Variants in TMEM272 observed in about 807,000 individuals in gnomAD.
The protein encoded by TMEM272 is long intergenic non-protein coding RNA 282.
A neutral mutation model predicts 3.7 loss-of-function variants in TMEM272; 8 were observed. That is an observed-to-expected ratio of 2.17 (90% CI 1.27 to 3.91). The LOEUF (loss-of-function observed/expected upper bound fraction) is 3.91, where lower values mean the gene tolerates loss of function less well. Ranked by LOEUF, TMEM272 falls within the 30% of genes most tolerant of loss-of-function variation. The pLI, the probability that TMEM272 is intolerant of heterozygous loss-of-function variation, is 0.00. For missense variants in TMEM272, 166 were observed against 91.5 expected, an observed-to-expected ratio of 1.81 and a Z score of -3.32; for synonymous variants, 63 against 39.8, an observed-to-expected ratio of 1.58 and a Z score of -2.20.
At chr13:51,892,480 G>A in the TMEM272 span, among the ~76,000 whole-genome samples, 1 of 152,086 alleles carries the variant, frequency 6.6e-6, no homozygotes, top group Non-Finnish European at 1.5e-5. Flanking sequence ...GGTATTGTTG[G>A]GGGATGGCTT....
At chr13:51,893,860 G>A in the TMEM272 span, among the ~76,000 whole-genome samples, 1 of 152,110 alleles carries the variant, frequency 6.6e-6, no homozygotes, top group Non-Finnish European at 1.5e-5. Flanking sequence ...TTGTTGTGGA[G>A]AAAACAAATA....
At chr13:51,879,183 A>G in the TMEM272 span, among the ~76,000 whole-genome samples, 33 of 152,292 alleles carry the variant, frequency 2.2e-4, no homozygotes, top group Non-Finnish European at 4.0e-4. Context: ...TGCAGGAGGA[A>G]AAAAAGAACA....
At chr13:51,933,614 T>A in the TMEM272 span, 1 of 152,314 alleles carries the variant, frequency 6.6e-6, no homozygotes, top group South Asian at 2.1e-4. Context: ...CTGTGGCCAC[T>A]CCTTTTCTGA....
chr13:51,830,469 T>C (rs560935102), intron 2 of TMEM272, among the ~76,000 whole-genome samples: 1 of 152,352 alleles, frequency 6.6e-6, no homozygotes, highest in Middle Eastern at 3.4e-3. Flanking sequence ...GAGGTTTCAA[T>C]GTCCTCATTG....
chr13:51,826,539 C>T (rs1362423633), intron 3 of TMEM272, 27 bp downstream of exon 3: 6 of 702,384 alleles, frequency 8.5e-6, no homozygotes, highest in Middle Eastern at 2.3e-4. Flanking sequence ...TGACCTGTGG[C>T]GTCCAGCAGC....
At chr13:51,858,159 C>T in the TMEM272 span, among the ~76,000 whole-genome samples, 1 of 152,194 alleles carries the variant, frequency 6.6e-6, no homozygotes, top group Non-Finnish European at 1.5e-5. Context: ...ACATCTCTCT[C>T]AGTAACTGAC....
chr13:51,883,831 G>T, the TMEM272 span, among the ~76,000 whole-genome samples: 1 of 152,208 alleles, frequency 6.6e-6, no homozygotes. Context: ...GCTTGTGTTT[G>T]CCAAGTGCAC....
chr13:51,871,517 T>C, the TMEM272 span, among the ~76,000 whole-genome samples: 149 of 152,144 alleles, frequency 9.8e-4, 3 homozygotes, highest in Admixed American at 8.1e-3. Flanking sequence ...CAAGGACACA[T>C]AGGGAGCAAA....
intron 2 of TMEM272, among the ~76,000 whole-genome samples, chr13:51,830,125 G>C (rs887050040): frequency 4.6e-5 from 7 of 152,204 alleles, no homozygotes; most frequent in Non-Finnish European, 8.8e-5. Flanking sequence ...TTTGGGTTTT[G>C]CTATTTCTTT....
the TMEM272 span, chr13:51,934,265 T>C: frequency 3.9e-6 from 1 of 255,126 alleles, no homozygotes; most frequent in South Asian, 5.3e-5. Context: ...GAACAGACTA[T>C]GCAGGAAGAA....
the TMEM272 span, among the ~76,000 whole-genome samples, chr13:51,861,430 T>C: frequency 6.6e-6 from 1 of 152,120 alleles, no homozygotes; most frequent in African/African-American, 2.4e-5. Flanking sequence ...AAAATTTTAC[T>C]ACATGACAAA....
Position 51,815,728 on chromosome 13 carries a change from C to T in TMEM272, c.*1023G>A, listed in dbSNP as rs898316773. 12 of 152,226 alleles carry T rather than the reference C, an allele frequency of 7.9e-5. No individual in the cohort carries two copies. In the East Asian group the frequency reaches 2.3e-3, roughly 29 times the overall value. The allele number at this position is 152,226 out of a possible 1,614,324, so 9.4% of individuals were successfully genotyped here. ...AAAGAGGCTCCCCAGCGAGCACTGA[C>T]AACAGACCTGGACTTCATCTCTCAA... On this transcript the variant is annotated 3_prime_UTR_variant, in exon 5 of 5. Transcript: ENST00000629372.
chr13:51,923,504 C>T, the TMEM272 span, among the ~76,000 whole-genome samples: 2 of 152,190 alleles, frequency 1.3e-5, no homozygotes, highest in Non-Finnish European at 2.9e-5. Context: ...GCACCAGACC[C>T]TCAGGCAGCA....
the TMEM272 span, among the ~76,000 whole-genome samples, chr13:51,873,111 G>A: frequency 6.6e-6 from 1 of 152,206 alleles, no homozygotes. Context: ...AAGACAAGAC[G>A]AAATTAATGG....
intron 2 of TMEM272, among the ~76,000 whole-genome samples, chr13:51,837,899 C>T (rs1956229388): frequency 6.6e-6 from 1 of 152,216 alleles, no homozygotes; most frequent in Admixed American, 6.5e-5. Flanking sequence ...TTCCCTTTAT[C>T]CACATTTCAT....
At chr13:51,823,555 G>C (rs549767636) in intron 3 of TMEM272, among the ~76,000 whole-genome samples, 5 of 152,376 alleles carry the variant, frequency 3.3e-5, no homozygotes, top group African/African-American at 1.2e-4. Flanking sequence ...ATTTGCGTAA[G>C]CAAGAAATAA....
chr13:51,925,255 C>A, the TMEM272 span, among the ~76,000 whole-genome samples: 1 of 152,220 alleles, frequency 6.6e-6, no homozygotes, highest in Non-Finnish European at 1.5e-5. Context: ...CTGGCAGGAA[C>A]ATCACATTTC....
At chr13:51,870,529 TC>T in the TMEM272 span, among the ~76,000 whole-genome samples, 1 of 9,996 alleles carries the variant, frequency 1.0e-4, no homozygotes, top group South Asian at 1.3e-3. Context: ...TTCTACTCCC[TC>T]AAGTCCCGAT....
chr13:51,826,648 G>A (rs1177744683), intron 2 of TMEM272, 23 bp from the exon 3 acceptor site: 3 of 702,508 alleles, frequency 4.3e-6, no homozygotes, highest in Non-Finnish European at 7.8e-6. Context: ...GAAGGGGCAG[G>A]CACTGGGTTA....
Sources: allele counts gnomAD v4.1 joint callset (sites outside exome capture counted in the v4.1 genomes callset), GRCh38; gene constraint gnomAD v4.1.1; transcripts MANE v1.5; gene names NCBI Gene and HGNC (gene_info 2026-07-23, HGNC 2026-07-21).